Variants in DIP2B observed in about 807,000 individuals in gnomAD.
The protein encoded by DIP2B is DIP2 acetate--CoA ligase B (putative), also known as disco-interacting protein 2 homolog B.
A neutral mutation model predicts 198.0 loss-of-function variants in DIP2B; 76 were observed. The observed-to-expected ratio is 0.38, with a 90% CI of 0.32 to 0.46. The LOEUF is 0.46. DIP2B is among the 20% of genes least tolerant of loss of function. The probability of loss-of-function intolerance (pLI) is 0.99; values close to 1 mark genes in which losing one functional copy is unlikely to be tolerated. For missense variants in DIP2B, 1,559 were observed against 1,978.4 expected (o/e 0.79, Z 4.02); for synonymous variants, 701 against 739.1 (o/e 0.95, Z 0.84).
At chr12:50,744,074 TC>T (rs1323452192) in intron 37 of DIP2B, among the ~76,000 whole-genome samples, 6 of 152,184 alleles carry the variant, frequency 3.9e-5, no homozygotes, top group Non-Finnish European at 8.8e-5. Flanking sequence ...CAAACTTGGC[TC>T]ACTGCAACCT....
intron 1 of DIP2B, among the ~76,000 whole-genome samples, chr12:50,511,318 A>C (rs1267849752): frequency 9.3e-5 from 1 of 10,722 alleles, no homozygotes; most frequent in African/African-American, 3.9e-4. Context: ...TTTTTGAGAC[A>C]GGGTCTCACT....
At chr12:50,677,443 C>T (rs1035314288) in intron 7 of DIP2B, among the ~76,000 whole-genome samples, 5 of 152,022 alleles carry the variant, frequency 3.3e-5, no homozygotes, top group African/African-American at 9.7e-5. Context: ...AGTGAAACCC[C>T]GTCTCTACTA....
At position 50,718,944 on chromosome 12, in the gene DIP2B, T is replaced by C. The variant is rs1355950426; in HGVS notation, c.2962-11T>C. The C allele has an allele frequency of 5.6e-6, 9 of 1,614,158 alleles. No individual in the cohort carries two copies. Among genetic ancestry groups the C allele is most frequent in the Non-Finnish European group, 7.6e-6 (9 of 1,180,008 alleles). On this transcript the variant is annotated splice_polypyrimidine_tract_variant and intron_variant, in intron 24 of 37. Coordinates refer to ENST00000301180, the MANE Select transcript of DIP2B (RefSeq NM_173602.3). Reference sequence around the variant, plus strand: ...CTGACCCTGAGTCCTTTTTCTGGTTTATGACTTCAGCACCAGTTTCTGGCA... The same window carrying C: ...CTGACCCTGAGTCCTTTTTCTGGTTCATGACTTCAGCACCAGTTTCTGGCA...
chr12:50,735,007 G>T, intron 33 of DIP2B, 66 bp from the exon 34 acceptor site: 1 of 1,588,092 alleles, frequency 6.3e-7, no homozygotes, highest in Non-Finnish European at 8.6e-7. Context: ...GCAGCACCGA[G>T]CTGCAGGAAC....
intron 1 of DIP2B, among the ~76,000 whole-genome samples, chr12:50,544,177 C>A (rs1404683757): frequency 6.7e-6 from 1 of 148,776 alleles, no homozygotes; most frequent in African/African-American, 2.5e-5. Flanking sequence ...GCAGTGAGAT[C>A]ATGCCACTGC....
intron 1 of DIP2B, among the ~76,000 whole-genome samples, chr12:50,598,170 A>G (rs1376991464): frequency 1.3e-5 from 2 of 152,134 alleles, no homozygotes; most frequent in Non-Finnish European, 2.9e-5. Context: ...TTTCCTTTAG[A>G]GGAAGGAGAG....
At chr12:50,596,258 AAAAAT>A (rs1041799031) in intron 1 of DIP2B, among the ~76,000 whole-genome samples, 3 of 152,250 alleles carry the variant, frequency 2.0e-5, no homozygotes, top group Admixed American at 2.0e-4. Flanking sequence ...AGTAGAAACA[AAAAAT>A]AAAAAATTGG....
intron 3 of DIP2B, among the ~76,000 whole-genome samples, chr12:50,658,656 A>G (rs1938593634): frequency 6.6e-6 from 1 of 152,246 alleles, no homozygotes; most frequent in Admixed American, 6.5e-5. Flanking sequence ...ATAACCTAGT[A>G]TCTGATAATA....
intron 1 of DIP2B, among the ~76,000 whole-genome samples, chr12:50,559,313 CT>C (rs11301460): frequency 0.55 from 66,786 of 122,540 alleles, 16,886 homozygotes; most frequent in Non-Finnish European, 0.63. Context: ...AATTATTTGT[CT>C]TTTTTTTTTT....
intron 19 of DIP2B, among the ~76,000 whole-genome samples, chr12:50,702,636 C>T (rs1939439607): frequency 6.8e-6 from 1 of 146,968 alleles, no homozygotes; most frequent in South Asian, 2.2e-4. Context: ...CACGGGGGAT[C>T]ACATGGGCCG....
chr12:50,615,838 G>A (rs1227100395), intron 1 of DIP2B, among the ~76,000 whole-genome samples: 1 of 152,140 alleles, frequency 6.6e-6, no homozygotes, highest in Non-Finnish European at 1.5e-5. Context: ...CTCAGCGTTC[G>A]AACCCAGATC....
intron 1 of DIP2B, among the ~76,000 whole-genome samples, chr12:50,588,162 T>C (rs558290962): frequency 1.2e-3 from 186 of 152,222 alleles, no homozygotes; most frequent in African/African-American, 4.1e-3. Context: ...TCTTTTTCTT[T>C]TTCTTTTTGG....
At chr12:50,715,248 A>G (rs1309413449) in intron 23 of DIP2B, among the ~76,000 whole-genome samples, 6 of 152,190 alleles carry the variant, frequency 3.9e-5, no homozygotes, top group African/African-American at 1.2e-4. Context: ...TACAGAACAA[A>G]TAACCCTAAA....
intron 1 of DIP2B, among the ~76,000 whole-genome samples, chr12:50,582,881 G>A (rs1489159961): frequency 6.6e-6 from 1 of 152,164 alleles, no homozygotes; most frequent in Non-Finnish European, 1.5e-5. Flanking sequence ...CTTTTTAAAA[G>A]ATGGCTGATA....
chr12:50,686,474 A>C (rs895871012), intron 11 of DIP2B, 99 bp from the exon 12 acceptor site: 1 of 965,582 alleles, frequency 1.0e-6, no homozygotes, highest in Non-Finnish European at 1.5e-6. Context: ...TTATAAAATG[A>C]TCTTAATTTG....
chr12:50,562,044 T>A (rs961395866), intron 1 of DIP2B, among the ~76,000 whole-genome samples: 1 of 152,228 alleles, frequency 6.6e-6, no homozygotes, highest in Admixed American at 6.5e-5. Flanking sequence ...TTGATTGAAT[T>A]TAAAGAGAAT....
intron 1 of DIP2B, among the ~76,000 whole-genome samples, chr12:50,559,519 T>C (rs928949223): frequency 3.3e-5 from 5 of 152,034 alleles, no homozygotes; most frequent in African/African-American, 1.2e-4. Context: ...TGTGGGAGGA[T>C]TGCTTGAGCC....
Position 50,697,052 on chromosome 12 carries a change from A to C in DIP2B, c.1934-9A>C. 6.2e-7 allele frequency: 1 copy of C among 1,610,534 alleles called. No homozygotes were observed. The highest frequency in any genetic ancestry group is 8.5e-7 in the Non-Finnish European group (1 of 1,177,704). On this transcript the variant is annotated splice_polypyrimidine_tract_variant and intron_variant, in intron 16 of 37. Transcript: ENST00000301180. ...TTCAGCTTCAGGTTGATCTGTTCCAACTCCTTAGGGTCCGTGTCATCCTGT... is the reference window on the plus strand; with the variant it reads ...TTCAGCTTCAGGTTGATCTGTTCCACCTCCTTAGGGTCCGTGTCATCCTGT...
intron 1 of DIP2B, among the ~76,000 whole-genome samples, chr12:50,571,591 C>A (rs1318950861): frequency 8.0e-6 from 1 of 124,910 alleles, no homozygotes; most frequent in East Asian, 2.6e-4. Context: ...CTCACTCTGT[C>A]ACCTAGGCTG....
Sources: allele counts gnomAD v4.1 joint callset (sites outside exome capture counted in the v4.1 genomes callset), GRCh38; gene constraint gnomAD v4.1.1; transcripts MANE v1.5; gene names NCBI Gene and HGNC (gene_info 2026-07-23, HGNC 2026-07-21).